SYN3: variants seen among roughly 807,000 people sequenced by gnomAD.
SYN3 encodes the protein synapsin III.
Under a neutral mutation model 65.8 loss-of-function variants are expected in SYN3, and 35 were observed. The observed-to-expected ratio is 0.53, with a 90% CI of 0.41 to 0.70. SYN3 has a LOEUF of 0.70. Among genes scored for constraint, SYN3 ranks in the 30% least tolerant of loss-of-function variants. The probability of loss-of-function intolerance (pLI) is 0.00; values close to 1 mark genes in which losing one functional copy is unlikely to be tolerated. For synonymous variants in SYN3, 270 were observed against 292.9 expected, an observed-to-expected ratio of 0.92 and a Z score of 0.80; for missense variants, 680 against 749.0, an observed-to-expected ratio of 0.91 and a Z score of 1.08.
At chr22:32,525,112 T>G (rs1354287018) in intron 12 of SYN3, among the ~76,000 whole-genome samples, 2 of 150,738 alleles carry the variant, frequency 1.3e-5, no homozygotes, top group Non-Finnish European at 3.0e-5. Context: ...GGAAATGATT[T>G]ACCTTTCTAG....
At chr22:32,842,840 A>G (rs2047952488) in intron 6 of SYN3, among the ~76,000 whole-genome samples, 1 of 152,074 alleles carries the variant, frequency 6.6e-6, no homozygotes, top group South Asian at 2.1e-4. Context: ...TTTTATTACT[A>G]ATCAGAGGAC....
intron 2 of SYN3, among the ~76,000 whole-genome samples, chr22:32,981,112 C>T (rs1221865668): frequency 6.6e-6 from 1 of 151,228 alleles, no homozygotes; most frequent in Non-Finnish European, 1.5e-5. Flanking sequence ...ACCTCGCCCT[C>T]CCAAAGTGCT....
chr22:32,548,683 T>G (rs888813099), intron 7 of SYN3, among the ~76,000 whole-genome samples: 4 of 152,236 alleles, frequency 2.6e-5, no homozygotes, highest in African/African-American at 9.6e-5. Context: ...AAAATATTTA[T>G]ATTTTTATGC....
chr22:32,520,619 T>TG (rs1466539693), intron 12 of SYN3, among the ~76,000 whole-genome samples: 3 of 152,174 alleles, frequency 2.0e-5, no homozygotes, highest in African/African-American at 7.2e-5. Context: ...ACATCTTTAT[T>TG]GCTAATTAAG....
At chr22:32,984,093 C>T (rs1419420124) in intron 2 of SYN3, among the ~76,000 whole-genome samples, 1 of 136,566 alleles carries the variant, frequency 7.3e-6, no homozygotes, top group Non-Finnish European at 1.5e-5. Context: ...ACCTGGGAGG[C>T]AGAAGTTGCA....
At chr22:32,667,858 C>T (rs1279435115) in intron 6 of SYN3, among the ~76,000 whole-genome samples, 82 of 45,082 alleles carry the variant, frequency 1.8e-3, no homozygotes, top group Middle Eastern at 0.016. Context: ...AATGCAGTGG[C>T]GCCATCTCTG....
chr22:32,569,537 ATC>A (rs142418236), intron 7 of SYN3, among the ~76,000 whole-genome samples: 1,664 of 113,352 alleles, frequency 0.015, 13 homozygotes, highest in Middle Eastern at 0.034. Context: ...AAATCAATCA[ATC>A]TCTCTCTCTC....
intron 6 of SYN3, among the ~76,000 whole-genome samples, chr22:32,654,304 C>A (rs2060112880): frequency 6.6e-6 from 1 of 152,234 alleles, no homozygotes; most frequent in Non-Finnish European, 1.5e-5. Context: ...CTACTCTCAA[C>A]TCCAGCCTGC....
intron 6 of SYN3, among the ~76,000 whole-genome samples, chr22:32,760,221 C>T (rs1284596645): frequency 7.5e-5 from 10 of 133,908 alleles, no homozygotes; most frequent in African/African-American, 2.3e-4. Context: ...CCAACAGCCA[C>T]GCACCAACAG....
chr22:32,574,069 A>C (rs2710354), intron 7 of SYN3, among the ~76,000 whole-genome samples: 3,002 of 151,552 alleles, frequency 0.02, 100 homozygotes, highest in African/African-American at 0.069. Context: ...TGAGCCACTG[A>C]GCTTGGCTGG....
intron 6 of SYN3, among the ~76,000 whole-genome samples, chr22:32,692,580 C>A (rs2060680197): frequency 6.6e-6 from 1 of 152,190 alleles, no homozygotes; most frequent in African/African-American, 2.4e-5. Context: ...GTGAAAGACC[C>A]ATGTGCTTTT....
chr22:32,556,811 T>G lies in SYN3; in HGVS notation c.775-15098A>C, dbSNP rs1215984192. 7.7e-4 allele frequency among the ~76,000 whole-genome samples: 88 copies of G among 113,780 alleles called. 5 individuals carry two copies. Among genetic ancestry groups the G allele is most frequent in the East Asian group, 2.1e-3 (8 of 3,884 alleles). 74.6% of individuals were successfully genotyped at this position (113,780 alleles called of 152,430 possible). A position where few individuals can be genotyped will look rare whatever the true frequency, so the allele number is the denominator to read the frequency against. On this transcript the variant is annotated intron_variant, in intron 7 of 13. Coordinates refer to ENST00000358763, the MANE Select transcript of SYN3 (RefSeq NM_003490.4). Reference sequence around the variant, plus strand: ...CAATCTATAGGTTTCCTGGTTTTTTTTTTTTTTTTTTTTTTTTTTTTTTTG... The same window carrying G: ...CAATCTATAGGTTTCCTGGTTTTTTGTTTTTTTTTTTTTTTTTTTTTTTTG...
intron 7 of SYN3, among the ~76,000 whole-genome samples, chr22:32,573,328 G>T (rs1387271031): frequency 6.6e-6 from 1 of 152,170 alleles, no homozygotes; most frequent in Non-Finnish European, 1.5e-5. Context: ...CTGCCTGGGT[G>T]ACCTTTTCTG....
chr22:32,531,405 A>G (rs947588469), intron 10 of SYN3, among the ~76,000 whole-genome samples: 13 of 151,968 alleles, frequency 8.6e-5, no homozygotes, highest in Non-Finnish European at 1.8e-4. Flanking sequence ...TGTTTCCTAC[A>G]TTCCCTGCAG....
At chr22:32,924,000 C>T (rs2050403167) in intron 4 of SYN3, among the ~76,000 whole-genome samples, 1 of 152,112 alleles carries the variant, frequency 6.6e-6, no homozygotes, top group Admixed American at 6.6e-5. Flanking sequence ...TCCATCCATG[C>T]TCCCACAAAA....
At chr22:32,952,302 G>A (rs868380847) in intron 3 of SYN3, among the ~76,000 whole-genome samples, 1 of 150,856 alleles carries the variant, frequency 6.6e-6, no homozygotes, top group East Asian at 1.9e-4. Context: ...GTGGGGGGGT[G>A]TGTGTGTGTG....
chr22:32,849,675 G>C (rs751466112), intron 6 of SYN3: 12 of 786,914 alleles, frequency 1.5e-5, no homozygotes, highest in African/African-American at 3.4e-5. Context: ...CTGCTGGAGA[G>C]GGAGCTGCTA....
In SYN3 at chr22:32,557,772, C is replaced by T. The variant is rs2058524754; in HGVS notation, c.775-16059G>A. On this transcript the variant is annotated intron_variant, in intron 7 of 13. Coordinates refer to ENST00000358763, the MANE Select transcript of SYN3 (RefSeq NM_003490.4). ...CACTCTGCCCTTGCCCGTGACACTC[C>T]AACTTACTGGTCTGGCACTTCCTAA... 2.6e-5 allele frequency among the ~76,000 whole-genome samples: 4 copies of T among 152,210 alleles called. No homozygotes were observed. The South Asian group carries it at 8.3e-4, about 32-fold the overall frequency.
intron 1 of SYN3, among the ~76,000 whole-genome samples, chr22:33,038,005 A>G (rs9609690): frequency 0.18 from 26,689 of 152,168 alleles, 2,710 homozygotes; most frequent in East Asian, 0.41. Flanking sequence ...TTAAAAAAAA[A>G]AAGGAATAAA....
Sources: allele counts gnomAD v4.1 joint callset (sites outside exome capture counted in the v4.1 genomes callset), GRCh38; gene constraint gnomAD v4.1.1; transcripts MANE v1.5; gene names NCBI Gene and HGNC (gene_info 2026-07-23, HGNC 2026-07-21).